PUM3: variants seen among roughly 807,000 people sequenced by gnomAD.
PUM3 encodes pumilio homolog 3.
PUM3 carries 91 observed loss-of-function variants against 84.0 expected under a neutral mutation model. The ratio of observed to expected loss-of-function variants is 1.08; its 90% CI spans 0.91 to 1.29. The LOEUF (loss-of-function observed/expected upper bound fraction) is 1.29. Ranked by LOEUF, PUM3 falls within the 50% of genes most tolerant of loss-of-function variation. The pLI is 0.00. For missense variants in PUM3, 1,067 were observed against 767.5 expected, an observed-to-expected ratio of 1.39 and a Z score of -4.61; for synonymous variants, 321 against 266.7, an observed-to-expected ratio of 1.20 and a Z score of -1.98.
rs572752267 is a variant in PUM3 at position 2,821,443 on chromosome 9, CA to C, written c.1189-1346del. Among the ~76,000 whole-genome samples the C allele has an allele frequency of 0.012, 599 of 50,124 alleles. 19 individuals carry two copies. The East Asian group carries it at 0.16, about 14-fold the overall frequency. The allele number at this position is 50,124 out of a possible 152,430, so 32.9% of individuals were successfully genotyped here. A position where few individuals can be genotyped will look rare whatever the true frequency, so the allele number is the denominator to read the frequency against. ...TGGGCGACAGAGCAAGACTCTGTCTCAAAAAAAAAAAAAAAAAAAGAACATG... is the reference window on the plus strand; with the variant it reads ...TGGGCGACAGAGCAAGACTCTGTCTCAAAAAAAAAAAAAAAAAAGAACATG... On this transcript the variant is annotated intron_variant, in intron 12 of 17. Coordinates refer to ENST00000397885, the MANE Select transcript of PUM3 (RefSeq NM_014878.5).
At position 2,834,037 on chromosome 9, in the gene PUM3, A is replaced by G. The variant is rs923446763; in HGVS notation, c.434T>C (p.Leu145Ser). ...CATCTTTAGGTAGAATTACCTTCTTAAAATCTCCCACATCTGCTTTGCCCG... is the reference window on the plus strand; with the variant it reads ...CATCTTTAGGTAGAATTACCTTCTTGAAATCTCCCACATCTGCTTTGCCCG... ...VVRAKQMWEI[L>S]RRKDCDKEKR... is the part of the protein sequence containing the mutation. Residue 145 changes from leucine to serine, a missense_variant, in exon 4 of 18, where the codon TTA becomes TCA. Coordinates refer to ENST00000397885, the MANE Select transcript of PUM3 (RefSeq NM_014878.5). 1.2e-6 allele frequency: 2 copies of G among 1,613,252 alleles called. No homozygotes were observed. The highest frequency in any genetic ancestry group is 2.2e-5 in the East Asian group (1 of 44,836).
At chr9:2,832,837 C>T (rs953336147) in intron 5 of PUM3, among the ~76,000 whole-genome samples, 2 of 152,098 alleles carry the variant, frequency 1.3e-5, no homozygotes, top group South Asian at 4.1e-4. Flanking sequence ...ATGTATTAAT[C>T]CAAATACACA....
chr9:2,830,990 T>C lies in PUM3; in HGVS notation c.649A>G (p.Asn217Asp). Residue 217 changes from asparagine (N) to aspartate (D), a missense_variant, in exon 7 of 18, where the codon AAT becomes GAT. Transcript: ENST00000397885. The stretch of plus-strand genomic sequence containing the variant: ...TACATGAGAAATTTCTTAACAATAT[T>C]TCTCGAATATTTGGCTTTACTTAAC... Reference protein sequence around the residue: ...VELSKAKYSRNIVKKFLMYGS... With the variant: ...VELSKAKYSRDIVKKFLMYGS... The C allele has an allele frequency of 6.7e-7, 1 of 1,490,590 alleles. No homozygotes were observed. The highest frequency in any genetic ancestry group is 9.3e-7 in the Non-Finnish European group (1 of 1,074,072). 92.3% of individuals were successfully genotyped at this position (1,490,590 alleles called of 1,614,324 possible).
At chr9:2,838,213 G>C (rs1478681615) in intron 2 of PUM3, among the ~76,000 whole-genome samples, 1 of 152,180 alleles carries the variant, frequency 6.6e-6, no homozygotes, top group Non-Finnish European at 1.5e-5. Context: ...GAGATAAGGA[G>C]TCTTTCATGA....
intron 5 of PUM3, 135 bp downstream of exon 5, chr9:2,833,222 T>C (rs945566825): frequency 4.1e-6 from 2 of 484,422 alleles, no homozygotes; most frequent in African/African-American, 4.0e-5. Flanking sequence ...TTCAGTGTTA[T>C]GGAAGATATT....
chr9:2,804,157 A>T lies in PUM3; in HGVS notation c.*174T>A, dbSNP rs565341202. The T allele has an allele frequency of 3.3e-5, 19 of 567,382 alleles. No homozygotes were observed. Among genetic ancestry groups the T allele is most frequent in the African/African-American group, 1.1e-4 (6 of 52,760 alleles). 35.1% of individuals were successfully genotyped at this position (567,382 alleles called of 1,614,324 possible). A position where few individuals can be genotyped will look rare whatever the true frequency, so the allele number is the denominator to read the frequency against. On this transcript the variant is annotated 3_prime_UTR_variant, in exon 18 of 18. Coordinates refer to ENST00000397885, the MANE Select transcript of PUM3 (RefSeq NM_014878.5). ...AACAGAGGAGACAGCTGAGATTTTT[A>T]AAAAAGACCATTTAAAAAAACAATT...
chr9:2,810,556 A>G (rs1425551625), intron 15 of PUM3, 125 bp from the exon 16 acceptor site: 3 of 620,826 alleles, frequency 4.8e-6, no homozygotes, highest in Non-Finnish European at 5.6e-6. Context: ...AAAGTTCCAC[A>G]GGCTTAAGAG....
rs752362518 is a variant in PUM3 at position 2,827,136 on chromosome 9, C to A, written c.972G>T (p.Lys324Asn). 4 of 1,608,078 alleles carry A rather than the reference C, an allele frequency of 2.5e-6. No homozygotes were observed. In the African/African-American group the frequency reaches 5.4e-5, roughly 22 times the overall value. Residue 324 changes from lysine to asparagine, a missense_variant, in exon 10 of 18, where the codon AAG becomes AAT. Coordinates refer to ENST00000397885, the MANE Select transcript of PUM3 (RefSeq NM_014878.5). ...TPMAQKEAVI[K>N]HSLVHKVFLD... ...AGAATACTTTATGCACCAATGAGTG[C>A]TTAATCACAGCTTCCCTGAAAACAG...
At chr9:2,819,642 T>C (rs1300714891) in intron 13 of PUM3, among the ~76,000 whole-genome samples, 1 of 152,204 alleles carries the variant, frequency 6.6e-6, no homozygotes, top group Non-Finnish European at 1.5e-5. Context: ...TCTGCTTGTA[T>C]TTGAGTTCTG....
At chr9:2,820,958 A>G (rs1045515155) in intron 12 of PUM3, among the ~76,000 whole-genome samples, 6 of 152,230 alleles carry the variant, frequency 3.9e-5, no homozygotes, top group Admixed American at 1.3e-4. Flanking sequence ...GGATGTTGAT[A>G]TAATTGTTTC....
intron 16 of PUM3, among the ~76,000 whole-genome samples, chr9:2,809,892 ACT>A (rs1382402388): frequency 1.3e-5 from 2 of 152,008 alleles, no homozygotes. Context: ...CTAGTCCAAA[ACT>A]CTCTTACGAG....
chr9:2,822,947 T>C (rs529037714), intron 12 of PUM3, among the ~76,000 whole-genome samples: 2 of 151,930 alleles, frequency 1.3e-5, no homozygotes, highest in South Asian at 2.1e-4. Flanking sequence ...AATTTTAACT[T>C]GTTTGATTTA....
intron 12 of PUM3, among the ~76,000 whole-genome samples, chr9:2,822,766 TTC>T (rs1815689054): frequency 6.7e-6 from 1 of 148,504 alleles, no homozygotes; most frequent in African/African-American, 2.4e-5. Context: ...AACATTATAA[TTC>T]ATATTATAAT....
chr9:2,822,460 G>C (rs1390937996), intron 12 of PUM3, among the ~76,000 whole-genome samples: 1 of 151,730 alleles, frequency 6.6e-6, no homozygotes, highest in African/African-American at 2.4e-5. Context: ...GGTAACGTTA[G>C]CTTATCACCC....
Position 2,829,712 on chromosome 9 carries a change from G to A in PUM3, c.852+62C>T. 3 of 1,403,160 alleles carry A rather than the reference G, an allele frequency of 2.1e-6. No homozygotes were observed. In the South Asian group the frequency reaches 3.8e-5, roughly 18 times the overall value. The allele number at this position is 1,403,160 out of a possible 1,614,324, so 86.9% of individuals were successfully genotyped here. On this transcript the variant is annotated intron_variant, in intron 8 of 17. Transcript: ENST00000397885. Reference sequence around the variant, plus strand: ...CATTCAAAAGATATATAGGGCACCGGAAGTTAAGGAAGAGCATATCGAAAA... The same window carrying A: ...CATTCAAAAGATATATAGGGCACCGAAAGTTAAGGAAGAGCATATCGAAAA...
At chr9:2,828,851 T>C (rs1815896529) in intron 8 of PUM3, 73 bp from the exon 9 acceptor site, 1 of 830,548 alleles carries the variant, frequency 1.2e-6, no homozygotes. Context: ...AGAAAAGTAA[T>C]TAGTCATTTT....
At chr9:2,830,418 G>T (rs546499174) in intron 7 of PUM3, among the ~76,000 whole-genome samples, 1 of 152,084 alleles carries the variant, frequency 6.6e-6, no homozygotes, top group Non-Finnish European at 1.5e-5. Flanking sequence ...CTTAATTTAG[G>T]AAATTCTCCC....
Position 2,833,380 on chromosome 9 carries a change from A to G in PUM3, c.493T>C (p.Leu165=), listed in dbSNP as rs1816034905. 1 of 1,591,806 alleles carries G rather than the reference A, an allele frequency of 6.3e-7. No homozygotes were observed. Among genetic ancestry groups the G allele is most frequent in the Non-Finnish European group, 8.6e-7 (1 of 1,162,454 alleles). The change falls in exon 5 of 18, where the codon TTG becomes CTG. Residue 165 remains leucine, a synonymous_variant. Coordinates refer to ENST00000397885, the MANE Select transcript of PUM3 (RefSeq NM_014878.5). ...ACAGTTTTAATTTTCCCTTGAATCA[A>G]CTTCTGCAAATCACTCATTAACTTT... The part of the protein sequence containing the change: ...RVKLMSDLQK[L]IQGKIKTIAF...
rs1404626448 is a variant in PUM3 at position 2,831,468 on chromosome 9, C to G, written c.517-124G>C. ...GGTAGTCTTCATGAATAAAATCAAA[C>G]CTAGATTACTGAGAACTACTTGTTT... On this transcript the variant is annotated intron_variant, in intron 5 of 17. Transcript: ENST00000397885. 2.0e-5 allele frequency: 13 copies of G among 662,790 alleles called. No individual in the cohort carries two copies. The South Asian group carries it at 2.1e-4, about 11-fold the overall frequency. 41.1% of individuals were successfully genotyped at this position (662,790 alleles called of 1,614,324 possible). A position where few individuals can be genotyped will look rare whatever the true frequency, so the allele number is the denominator to read the frequency against.
Sources: allele counts gnomAD v4.1 joint callset (sites outside exome capture counted in the v4.1 genomes callset), GRCh38; gene constraint gnomAD v4.1.1; transcripts MANE v1.5; gene names NCBI Gene and HGNC (gene_info 2026-07-23, HGNC 2026-07-21).